CDC40: variants seen among roughly 807,000 people sequenced by gnomAD.
CDC40 encodes the protein pre-mRNA-processing factor 17.
A neutral mutation model predicts 80.6 loss-of-function variants in CDC40; 27 were observed. The observed-to-expected ratio is 0.33, with a 90% CI of 0.25 to 0.46. CDC40 has a LOEUF of 0.46. Among genes scored for constraint, CDC40 ranks in the 20% least tolerant of loss-of-function variants. The pLI, the probability that CDC40 is intolerant of heterozygous loss-of-function variation, is 1.00. For synonymous variants in CDC40, 221 were observed against 232.6 expected (o/e 0.95, Z 0.45); for missense variants, 486 against 694.1 (o/e 0.70, Z 3.37).
chr6:110,224,329 C>T (rs1777823251), intron 12 of CDC40: 1 of 152,064 alleles, frequency 6.6e-6, no homozygotes, highest in Non-Finnish European at 1.5e-5. Context: ...ATATGAGTTA[C>T]TAGCTTATTA....
chr6:110,184,507 AT>A (rs1373973183), intron 1 of CDC40, among the ~76,000 whole-genome samples: 1 of 147,762 alleles, frequency 6.8e-6, no homozygotes, highest in African/African-American at 2.5e-5. Context: ...TGTATTTTTC[AT>A]TTATTTAACT....
At chr6:110,184,244 G>T (rs1343568815) in intron 1 of CDC40, among the ~76,000 whole-genome samples, 1 of 152,130 alleles carries the variant, frequency 6.6e-6, no homozygotes, top group African/African-American at 2.4e-5. Flanking sequence ...TCTTGGCCCT[G>T]TAATTCTATA....
chr6:110,184,629 T>A (rs1034967763), intron 1 of CDC40, among the ~76,000 whole-genome samples: 2 of 152,190 alleles, frequency 1.3e-5, no homozygotes, highest in African/African-American at 4.8e-5. Flanking sequence ...TATTTATTGT[T>A]CTTGCCTTGC....
intron 5 of CDC40, 151 bp from the exon 6 acceptor site, chr6:110,210,556 A>G: frequency 3.4e-6 from 1 of 294,724 alleles, no homozygotes; most frequent in South Asian, 9.0e-5. Context: ...ATCTCAGAAA[A>G]AAAAAAAAAA....
rs985456092 is a variant in CDC40, at chr6:110,226,571, C to CTCTTT, written c.1417+343_1417+347dup. On this transcript the variant is annotated intron_variant, in intron 13 of 14. Coordinates refer to ENST00000307731, the MANE Select transcript of CDC40 (RefSeq NM_015891.3). ...CTCCCCTCCTCTCCTCTCCCCTCCC[C>CTCTTT]TCTTTTCTTTTCTTTTCTTCTTTTC... 2.6e-5 allele frequency among the ~76,000 whole-genome samples: 4 copies of CTCTTT among 151,754 alleles called. No homozygotes were observed. The South Asian group carries it at 6.3e-4, about 24-fold the overall frequency.
At chr6:110,207,046 GGCTCACACCT>G (rs1458291499) in intron 3 of CDC40, among the ~76,000 whole-genome samples, 1 of 152,044 alleles carries the variant, frequency 6.6e-6, no homozygotes, top group Non-Finnish European at 1.5e-5. Context: ...CGGGAGTGGT[GGCTCACACCT>G]GTAATGCCAG....
At chr6:110,229,168 G>T (rs997368969) in intron 14 of CDC40, among the ~76,000 whole-genome samples, 192 bp downstream of exon 14, 8 of 152,036 alleles carry the variant, frequency 5.3e-5, no homozygotes, top group African/African-American at 1.7e-4. Context: ...CTTTTTTTAG[G>T]TTCTTGCTTC....
chr6:110,219,705 G>A lies in CDC40; in HGVS notation c.1207-31G>A, dbSNP rs758651103. On this transcript the variant is annotated intron_variant, in intron 11 of 14. Coordinates refer to ENST00000307731, the MANE Select transcript of CDC40 (RefSeq NM_015891.3). ...TCTTTCATAAATCCACTCTACTTCT[G>A]TCTTTACCTTTTTTCTTGCCTGATA... The A allele has an allele frequency of 4.2e-5, 67 of 1,610,372 alleles. No individual in the cohort carries two copies. In the East Asian group the frequency reaches 1.5e-3, roughly 35 times the overall value.
At chr6:110,216,493 T>C (rs1012028581) in intron 9 of CDC40, among the ~76,000 whole-genome samples, 1 of 152,028 alleles carries the variant, frequency 6.6e-6, no homozygotes, top group African/African-American at 2.4e-5. Context: ...TCAGATAGAG[T>C]GGATTTGGTC....
chr6:110,228,081 C>T (rs751866769), intron 13 of CDC40, among the ~76,000 whole-genome samples: 1 of 152,156 alleles, frequency 6.6e-6, no homozygotes, highest in Admixed American at 6.5e-5. Context: ...CCTGTTGCTC[C>T]TAGGCTTTAC....
intron 1 of CDC40, among the ~76,000 whole-genome samples, chr6:110,182,161 T>G (rs945024987): frequency 1.3e-5 from 2 of 152,208 alleles, no homozygotes; most frequent in Non-Finnish European, 2.9e-5. Context: ...CTGTACCTAA[T>G]TTTTGCTGAT....
chr6:110,227,009 TA>T (rs949659527), intron 13 of CDC40, among the ~76,000 whole-genome samples: 78 of 145,846 alleles, frequency 5.3e-4, no homozygotes, highest in African/African-American at 8.0e-4. Context: ...CCCTTCTCTC[TA>T]AAAAAAAAAA....
chr6:110,185,241 C>A (rs796421405), intron 1 of CDC40, among the ~76,000 whole-genome samples: 1 of 124,030 alleles, frequency 8.1e-6, no homozygotes, highest in South Asian at 2.7e-4. Flanking sequence ...ATCTTTTTTT[C>A]TTTTTTTTTT....
intron 8 of CDC40, among the ~76,000 whole-genome samples, chr6:110,214,302 AG>A (rs1562205426): frequency 6.6e-6 from 1 of 152,206 alleles, no homozygotes; most frequent in Non-Finnish European, 1.5e-5. Flanking sequence ...TATTATGTGC[AG>A]GGGACTGAAA....
chr6:110,220,202 G>A (rs1245543247), intron 12 of CDC40, among the ~76,000 whole-genome samples: 1 of 151,942 alleles, frequency 6.6e-6, no homozygotes, highest in Admixed American at 6.6e-5. Context: ...AGCAGTAGGG[G>A]GACTGAGCAT....
At chr6:110,212,495 T>G (rs1777649406) in intron 7 of CDC40, among the ~76,000 whole-genome samples, 1 of 152,154 alleles carries the variant, frequency 6.6e-6, no homozygotes, top group African/African-American at 2.4e-5. Flanking sequence ...CATTCATGAT[T>G]TAGTGTCCTG....
At chr6:110,220,794 G>A (rs555006691) in intron 12 of CDC40, among the ~76,000 whole-genome samples, 1 of 152,284 alleles carries the variant, frequency 6.6e-6, no homozygotes, top group South Asian at 2.1e-4. Flanking sequence ...TGAGAGCCAA[G>A]TGAAAGGGGT....
chr6:110,226,156 A>C lies in CDC40; in HGVS notation c.1341-11A>C. The C allele has an allele frequency of 6.5e-7, 1 of 1,550,276 alleles. No homozygotes were observed. Among genetic ancestry groups the C allele is most frequent in the Non-Finnish European group, 8.9e-7 (1 of 1,125,016 alleles). Reference sequence around the variant, plus strand: ...AGTTGCTTATTCTGATATGCTATTTAAAATTTTTAGGGATATCCCTGTGGA... The same window carrying C: ...AGTTGCTTATTCTGATATGCTATTTCAAATTTTTAGGGATATCCCTGTGGA... On this transcript the variant is annotated splice_polypyrimidine_tract_variant and intron_variant, in intron 12 of 14. Coordinates refer to ENST00000307731, the MANE Select transcript of CDC40 (RefSeq NM_015891.3).
chr6:110,220,766 C>T (rs969253853), intron 12 of CDC40, among the ~76,000 whole-genome samples: 19 of 152,152 alleles, frequency 1.2e-4, no homozygotes, highest in South Asian at 6.2e-4. Flanking sequence ...TCTTACATGG[C>T]GGCAGCAAGA....
Sources: gnomAD v4.1 joint callset for allele counts (sites outside exome capture counted in the v4.1 genomes callset) on GRCh38, gnomAD v4.1.1 for gene constraint, MANE v1.5 for transcripts, NCBI Gene and HGNC (gene_info 2026-07-23, HGNC 2026-07-21) for gene names.